The following PTPRD variants were observed in gnomAD, a reference collection of about 807,000 sequenced individuals.
PTPRD encodes the protein protein tyrosine phosphatase receptor type D, also known as receptor-type tyrosine-protein phosphatase delta.
Under a neutral mutation model 214.5 loss-of-function variants are expected in PTPRD, and 34 were observed. That is an observed-to-expected ratio of 0.16 (90% CI 0.12 to 0.21). PTPRD has a LOEUF of 0.21. PTPRD is among the 10% of genes least tolerant of loss of function. PTPRD has a pLI of 1.00. For synonymous variants in PTPRD, 1,128 were observed against 845.7 expected (o/e 1.33, Z -5.79); for missense variants, 2,545 against 2,398.7 (o/e 1.06, Z -1.27).
intron 10 of PTPRD, among the ~76,000 whole-genome samples, chr9:9,043,752 A>T (rs1364174518): frequency 1.2e-4 from 18 of 151,980 alleles, no homozygotes; most frequent in Admixed American, 1.2e-3. Flanking sequence ...AAGAATTCAA[A>T]AATTAGCTGG....
chr9:10,582,927 G>A (rs2072477442), intron 2 of PTPRD, among the ~76,000 whole-genome samples: 1 of 152,206 alleles, frequency 6.6e-6, no homozygotes, highest in Non-Finnish European at 1.5e-5. Flanking sequence ...GAATAAAAGT[G>A]AAATGACATA....
intron 9 of PTPRD, among the ~76,000 whole-genome samples, chr9:9,239,456 A>C (rs184359360): frequency 1.3e-5 from 2 of 152,270 alleles, no homozygotes; most frequent in South Asian, 2.1e-4. Context: ...AATCGAACCT[A>C]AGAGCAGAAC....
intron 3 of PTPRD, among the ~76,000 whole-genome samples, chr9:10,118,025 G>C (rs533055473): frequency 6.6e-6 from 1 of 152,058 alleles, no homozygotes; most frequent in Non-Finnish European, 1.5e-5. Context: ...AATGTCTAAT[G>C]AATGTATATC....
intron 8 of PTPRD, among the ~76,000 whole-genome samples, chr9:9,573,506 AT>A (rs1363161818): frequency 2.0e-5 from 3 of 151,614 alleles, no homozygotes; most frequent in African/African-American, 7.3e-5. Context: ...GATATAAGTA[AT>A]TTTCTCTATG....
At chr9:8,878,555 C>G (rs936309158) in intron 11 of PTPRD, among the ~76,000 whole-genome samples, 1 of 151,626 alleles carries the variant, frequency 6.6e-6, no homozygotes, top group African/African-American at 2.4e-5. Context: ...GAGACAGAGT[C>G]TCACTGTGTA....
chr9:10,562,467 G>A (rs2064273015), intron 2 of PTPRD, among the ~76,000 whole-genome samples: 1 of 151,840 alleles, frequency 6.6e-6, no homozygotes, highest in Non-Finnish European at 1.5e-5. Context: ...AATAAAAGTT[G>A]AAAGTTACTG....
chr9:9,425,841 G>A (rs1187794418), intron 8 of PTPRD, among the ~76,000 whole-genome samples: 2 of 152,098 alleles, frequency 1.3e-5, no homozygotes, highest in Admixed American at 6.6e-5. Flanking sequence ...TAAAAATAGT[G>A]TTGAGTTGAT....
At chr9:9,363,422 T>A (rs2056894291) in intron 9 of PTPRD, among the ~76,000 whole-genome samples, 1 of 151,386 alleles carries the variant, frequency 6.6e-6, no homozygotes, top group East Asian at 1.9e-4. Context: ...CAAACATTTC[T>A]ATCTCTATTT....
intron 11 of PTPRD, among the ~76,000 whole-genome samples, chr9:8,914,056 G>A (rs2154263487): frequency 6.6e-6 from 1 of 152,114 alleles, no homozygotes; most frequent in East Asian, 1.9e-4. Context: ...TCAGACTAAT[G>A]AATACGTACT....
chr9:9,562,026 T>C (rs1047166033), intron 8 of PTPRD, among the ~76,000 whole-genome samples: 13 of 152,228 alleles, frequency 8.5e-5, no homozygotes, highest in African/African-American at 2.2e-4. Context: ...TATATCCATA[T>C]GACTACTTGA....
chr9:8,449,680 T>G (rs1590816241), intron 34 of PTPRD, 45 bp downstream of exon 34: 1 of 1,566,942 alleles, frequency 6.4e-7, no homozygotes, highest in Middle Eastern at 1.7e-4. Flanking sequence ...GCTGTACAAC[T>G]TCTGGGAAAG....
intron 5 of PTPRD, among the ~76,000 whole-genome samples, chr9:9,899,157 A>C (rs1020578365): frequency 1.3e-5 from 2 of 152,096 alleles, no homozygotes; most frequent in African/African-American, 4.8e-5. Flanking sequence ...CCCCAAGAAG[A>C]AGTACTTAGG....
chr9:8,343,837 C>T (rs533856650), intron 39 of PTPRD, among the ~76,000 whole-genome samples: 202 of 152,112 alleles, frequency 1.3e-3, no homozygotes, highest in South Asian at 3.5e-3. Flanking sequence ...CTTGAGATGC[C>T]TGCAGTAATG....
chr9:10,305,490 A>C (rs2096030908), intron 3 of PTPRD, among the ~76,000 whole-genome samples: 1 of 152,052 alleles, frequency 6.6e-6, no homozygotes, highest in African/African-American at 2.4e-5. Flanking sequence ...GGCAACCTAC[A>C]GAATGGGAGA....
chr9:9,060,667 GAAA>G (rs910609612), intron 10 of PTPRD, among the ~76,000 whole-genome samples: 7 of 151,450 alleles, frequency 4.6e-5, no homozygotes, highest in African/African-American at 1.5e-4. Context: ...CAATCCAATA[GAAA>G]AAAAAGAGCA....
At chr9:9,176,351 A>G (rs1250725494) in intron 10 of PTPRD, among the ~76,000 whole-genome samples, 1 of 152,196 alleles carries the variant, frequency 6.6e-6, no homozygotes, top group Non-Finnish European at 1.5e-5. Context: ...GAGGAGTTAG[A>G]AGTCAGTCTC....
chr9:8,797,469 A>G (rs994585046), intron 11 of PTPRD, among the ~76,000 whole-genome samples: 1 of 152,204 alleles, frequency 6.6e-6, no homozygotes, highest in East Asian at 1.9e-4. Flanking sequence ...AAGGATGTCT[A>G]AGCGATATAT....
At chr9:9,226,058 G>A (rs2099959264) in intron 9 of PTPRD, among the ~76,000 whole-genome samples, 1 of 151,762 alleles carries the variant, frequency 6.6e-6, no homozygotes, top group Non-Finnish European at 1.5e-5. Flanking sequence ...AAATCAATTG[G>A]GTCAAATTTA....
In PTPRD at chr9:8,499,720, T is replaced by C. The variant is rs766801492; in HGVS notation, c.2249A>G (p.His750Arg). 1 of 1,614,178 alleles carries C rather than the reference T, an allele frequency of 6.2e-7. No individual in the cohort carries two copies. Among genetic ancestry groups the C allele is most frequent in the South Asian group, 1.1e-5 (1 of 91,080 alleles). ...CTCACCATTTTCCATCCTCACATAA[T>C]GCACCTGATATCCTCTTATCTGGCC... ...QHGQIRGYQV[H>R]YVRMENGEPK... Residue 750 changes from histidine (H) to arginine (R), a missense_variant, in exon 25 of 46, where the codon CAT becomes CGT. His to Arg is a conservative substitution (Grantham distance 29). Coordinates refer to ENST00000381196, the MANE Select transcript of PTPRD (RefSeq NM_002839.4).
Sources: gnomAD v4.1 joint callset for allele counts (sites outside exome capture counted in the v4.1 genomes callset) on GRCh38, gnomAD v4.1.1 for gene constraint, MANE v1.5 for transcripts, NCBI Gene and HGNC (gene_info 2026-07-23, HGNC 2026-07-21) for gene names.